The following PLAC8L1 variants were observed in gnomAD, a reference collection of about 807,000 sequenced individuals.
PLAC8L1 encodes the protein PLAC8-like protein 1.
A neutral mutation model predicts 16.3 loss-of-function variants in PLAC8L1; 13 were observed. That is an observed-to-expected ratio of 0.80 (90% CI 0.52 to 1.27). The LOEUF is 1.27. Ranked by LOEUF, PLAC8L1 falls within the 50% of genes most tolerant of loss-of-function variation. The pLI, the probability that PLAC8L1 is intolerant of heterozygous loss-of-function variation, is 0.00. For synonymous variants in PLAC8L1, 78 were observed against 79.3 expected, an observed-to-expected ratio of 0.98 and a Z score of 0.09; for missense variants, 184 against 220.2, an observed-to-expected ratio of 0.84 and a Z score of 1.04.
chr5:146,102,040 C>CTTTTTTTTT (rs36011275), intron 1 of PLAC8L1, among the ~76,000 whole-genome samples: 7 of 130,500 alleles, frequency 5.4e-5, no homozygotes, highest in Non-Finnish European at 9.7e-5. Context: ...TGTGTTTACC[C>CTTTTTTTTT]TTTTTTTTTT....
intron 2 of PLAC8L1, among the ~76,000 whole-genome samples, chr5:146,092,039 G>A (rs1472272969): frequency 3.3e-5 from 5 of 152,116 alleles, no homozygotes; most frequent in South Asian, 4.1e-4. Flanking sequence ...GGTTCCACCC[G>A]CATGTGTGGA....
chr5:146,099,694 A>T (rs1235956166), intron 1 of PLAC8L1, among the ~76,000 whole-genome samples: 1 of 151,078 alleles, frequency 6.6e-6, no homozygotes, highest in Non-Finnish European at 1.5e-5. Flanking sequence ...TTGTTGCAGT[A>T]ATAGTTGCCA....
chr5:146,098,286 A>C lies in PLAC8L1; in HGVS notation c.126T>G (p.His42Gln). Reference sequence around the variant, plus strand: ...GCTTCACCACAGCGCTGGCTGGTACATGGCCTCTGGAGAGTCAAGGATGAT... The same window carrying C: ...GCTTCACCACAGCGCTGGCTGGTACCTGGCCTCTGGAGAGTCAAGGATGAT... ...DEHFISNLRG[H>Q]VPASAVVKQP... is the part of the protein sequence containing the mutation. Residue 42 changes from histidine (H) to glutamine (Q), a missense_variant, in exon 2 of 4, where the codon CAT (histidine) becomes CAG (glutamine). By Grantham distance (24) the His-to-Gln change is conservative. Coordinates refer to ENST00000311450, the MANE Select transcript of PLAC8L1 (RefSeq NM_001029869.3). 1 of 1,613,914 alleles carries C rather than the reference A, an allele frequency of 6.2e-7. No homozygotes were observed. The highest frequency in any genetic ancestry group is 8.5e-7 in the Non-Finnish European group (1 of 1,179,876).
chr5:146,085,087 C>T (rs542848491), intron 3 of PLAC8L1, among the ~76,000 whole-genome samples: 28 of 149,152 alleles, frequency 1.9e-4, no homozygotes, highest in Admixed American at 1.5e-3. Context: ...TAGTTCCATA[C>T]TTCTGTGCCT....
Position 146,104,033 on chromosome 5 carries a change from CA to C in PLAC8L1, c.119+159del, listed in dbSNP as rs1200914469. On this transcript the variant is annotated intron_variant, in intron 1 of 3. Transcript: ENST00000311450. ...ACCAGCCAAGAAAGGCCAGAAGGAA[CA>C]AATCAGTTGCCCTCTTTTCAAGTTT... The C allele has an allele frequency of 8.1e-6, 8 of 985,432 alleles. No homozygotes were observed. The African/African-American group carries it at 1.2e-4, about 15-fold the overall frequency. The allele number at this position is 985,432 out of a possible 1,614,324, so 61.0% of individuals were successfully genotyped here. A position where few individuals can be genotyped will look rare whatever the true frequency, so the allele number is the denominator to read the frequency against.
At chr5:146,094,092 T>G (rs1039469823) in intron 2 of PLAC8L1, among the ~76,000 whole-genome samples, 1 of 152,212 alleles carries the variant, frequency 6.6e-6, no homozygotes, top group Non-Finnish European at 1.5e-5. Flanking sequence ...TCTTTTGTTT[T>G]GTTTTGTTTT....
chr5:146,099,299 A>T (rs1226613343), intron 1 of PLAC8L1: 1 of 152,198 alleles, frequency 6.6e-6, no homozygotes, highest in Admixed American at 6.5e-5. Context: ...CTGATGTGCT[A>T]TGAAGAATTA....
rs200907386 is a variant in PLAC8L1 at position 146,100,714 on chromosome 5, AATGT to A, written c.120-2426_120-2423del. Among the ~76,000 whole-genome samples, 150 of 152,306 alleles carry A rather than the reference AATGT, an allele frequency of 9.8e-4. 3 individuals are homozygous for A. The East Asian group carries it at 0.022, about 22-fold the overall frequency. ...AAAATATATATATATGGATATAACA[AATGT>A]ATGGGTATATTTTAATATGTTTGTT... On this transcript the variant is annotated intron_variant, in intron 1 of 3. Coordinates refer to ENST00000311450, the MANE Select transcript of PLAC8L1 (RefSeq NM_001029869.3).
rs767309853 is a variant in PLAC8L1 at position 146,085,584 on chromosome 5, T to G, written c.270A>C (p.Leu90=). The G allele has an allele frequency of 3.7e-6, 6 of 1,613,512 alleles. No homozygotes were observed. The Admixed American group carries it at 1.0e-4, about 27-fold the overall frequency. The change falls in exon 3 of 4, where the codon CTA becomes CTC. Residue 90 remains leucine, a synonymous_variant. Coordinates refer to ENST00000311450, the MANE Select transcript of PLAC8L1 (RefSeq NM_001029869.3). The stretch of plus-strand genomic sequence containing the variant: ...CACACTCAAGACACATAGGACAGAA[T>G]AGACCACAGAAACCTGTCAATAACC... ...CRDRRICFCG[L]FCPMCLECDI...
At chr5:146,092,844 C>T (rs772531554) in intron 2 of PLAC8L1, among the ~76,000 whole-genome samples, 28 of 151,960 alleles carry the variant, frequency 1.8e-4, no homozygotes, top group Non-Finnish European at 2.9e-4. Context: ...CCGAATTTGC[C>T]AAATTTTAAG....
intron 2 of PLAC8L1, among the ~76,000 whole-genome samples, chr5:146,093,909 C>G (rs1365861906): frequency 6.6e-6 from 1 of 152,216 alleles, no homozygotes; most frequent in Non-Finnish European, 1.5e-5. Context: ...GTTTGAGCGG[C>G]TGACTCTTTC....
Position 146,084,389 on chromosome 5 carries a change from A to G in PLAC8L1, c.*43T>C. 6.3e-7 allele frequency: 1 copy of G among 1,596,740 alleles called. No individual in the cohort carries two copies. The highest frequency in any genetic ancestry group is 1.1e-5 in the South Asian group (1 of 88,802). On this transcript the variant is annotated 3_prime_UTR_variant, in exon 4 of 4. Transcript: ENST00000311450. Reference sequence around the variant, plus strand: ...AGCAATTGTTCCACTGAGAGGTTTGAGAGGAGGGTGTTGGGGAGTAAGGAG... The same window carrying G: ...AGCAATTGTTCCACTGAGAGGTTTGGGAGGAGGGTGTTGGGGAGTAAGGAG...
chr5:146,099,742 G>A (rs1026757462), intron 1 of PLAC8L1, among the ~76,000 whole-genome samples: 1 of 151,130 alleles, frequency 6.6e-6, no homozygotes, highest in Non-Finnish European at 1.5e-5. Context: ...GGAGGCCAAA[G>A]CAGAACATTC....
Position 146,084,530 on chromosome 5 carries a change from C to T in PLAC8L1, c.436G>A (p.Ala146Thr). Reference sequence around the variant, plus strand: ...CGGGCCACCTGGCAGATGGAAAAAGCCCAACAGCAGTGCACCGCCAGCCAG... The same window carrying T: ...CGGGCCACCTGGCAGATGGAAAAAGTCCAACAGCAGTGCACCGCCAGCCAG... ...EDWLAVHCCW[A>T]FSICQVAREL... is the part of the protein sequence containing the mutation. The change falls in exon 4 of 4, where the codon GCT (alanine) becomes ACT (threonine). Residue 146 changes from alanine to threonine, a missense_variant. Transcript: ENST00000311450. 1.2e-6 allele frequency: 2 copies of T among 1,614,092 alleles called. No homozygotes were observed. The highest frequency in any genetic ancestry group is 1.7e-6 in the Non-Finnish European group (2 of 1,180,030).
At chr5:146,099,658 C>CA (rs10581890) in intron 1 of PLAC8L1, among the ~76,000 whole-genome samples, 2,391 of 87,812 alleles carry the variant, frequency 0.027, 95 homozygotes, top group African/African-American at 0.097. Flanking sequence ...GACTCCGTCT[C>CA]AAAAAAAAAA....
At chr5:146,098,076 C>A in intron 2 of PLAC8L1, 80 bp downstream of exon 2, 2 of 1,439,928 alleles carry the variant, frequency 1.4e-6, no homozygotes, top group Non-Finnish European at 1.9e-6. Flanking sequence ...TGTCCTTGTG[C>A]CTGCTGTAGG....
At chr5:146,098,065 C>A (rs1763744770) in intron 2 of PLAC8L1, 91 bp downstream of exon 2, 1 of 1,377,522 alleles carries the variant, frequency 7.3e-7, no homozygotes, top group South Asian at 1.5e-5. Context: ...CATTTAATTT[C>A]TGTCCTTGTG....
At chr5:146,098,038 T>C in intron 2 of PLAC8L1, 118 bp downstream of exon 2, 1 of 1,211,836 alleles carries the variant, frequency 8.3e-7, no homozygotes, top group Non-Finnish European at 1.1e-6. Context: ...GAAAGATTAG[T>C]CCAGTTATTC....
At chr5:146,093,026 C>T (rs1277764177) in intron 2 of PLAC8L1, among the ~76,000 whole-genome samples, 2 of 152,052 alleles carry the variant, frequency 1.3e-5, no homozygotes, top group Admixed American at 6.5e-5. Context: ...TATACACACA[C>T]ACACACATAT....
Sources: gnomAD v4.1 joint callset for allele counts (sites outside exome capture counted in the v4.1 genomes callset) on GRCh38, gnomAD v4.1.1 for gene constraint, MANE v1.5 for transcripts, NCBI Gene and HGNC (gene_info 2026-07-23, HGNC 2026-07-21) for gene names.